ADGRB3: variants seen among roughly 807,000 people sequenced by gnomAD.
The protein encoded by ADGRB3 is adhesion G protein-coupled receptor B3, also known as brain-specific angiogenesis inhibitor 3.
ADGRB3 carries 37 observed loss-of-function variants against 193.4 expected under a neutral mutation model. The observed-to-expected ratio is 0.19, with a 90% CI of 0.15 to 0.25. The LOEUF is 0.25. Ranked by LOEUF, ADGRB3 falls within the 10% of genes least tolerant of loss-of-function variation. ADGRB3 has a pLI of 1.00. For missense variants in ADGRB3, 1,637 were observed against 1,852.9 expected (o/e 0.88, Z 2.14); for synonymous variants, 690 against 644.2 (o/e 1.07, Z -1.08).
chr6:69,083,582 G>A (rs1772457055), intron 17 of ADGRB3, among the ~76,000 whole-genome samples: 1 of 151,988 alleles, frequency 6.6e-6, no homozygotes, highest in Admixed American at 6.6e-5. Context: ...GAATTTCATG[G>A]GTGGATAGAT....
chr6:68,667,953 C>T (rs974646309), intron 3 of ADGRB3, among the ~76,000 whole-genome samples: 2 of 151,762 alleles, frequency 1.3e-5, no homozygotes, highest in African/African-American at 4.8e-5. Flanking sequence ...CATATATGAC[C>T]ATCCAGCCCT....
intron 14 of ADGRB3, 107 bp downstream of exon 14, chr6:69,048,441 G>A (rs1771301004): frequency 2.6e-6 from 3 of 1,141,018 alleles, no homozygotes; most frequent in African/African-American, 1.6e-5. Flanking sequence ...GAAATAGTCT[G>A]TAATCATTAT....
In ADGRB3 at chr6:69,165,629, C is replaced by T. The variant is rs1775111976; in HGVS notation, c.2481-67661C>T. Among the ~76,000 whole-genome samples, 10 of 152,100 alleles carry T rather than the reference C, an allele frequency of 6.6e-5. No homozygotes were observed. In the South Asian group the frequency reaches 2.1e-3, roughly 32 times the overall value. ...CTAACAAACCCTAATTAAAGTCATC[C>T]CTTATTTCTTTGGGTTATTTCTGGT... On this transcript the variant is annotated intron_variant, in intron 17 of 31. Coordinates refer to ENST00000370598, the MANE Select transcript of ADGRB3 (RefSeq NM_001704.3).
At chr6:68,737,771 A>G (rs974637801) in intron 3 of ADGRB3, among the ~76,000 whole-genome samples, 1 of 152,144 alleles carries the variant, frequency 6.6e-6, no homozygotes, top group Non-Finnish European at 1.5e-5. Context: ...AAGCCAAAAA[A>G]AAGGTTAGAC....
chr6:68,966,925 T>C (rs1359270340), intron 8 of ADGRB3, among the ~76,000 whole-genome samples: 1 of 152,206 alleles, frequency 6.6e-6, no homozygotes, highest in Non-Finnish European at 1.5e-5. Flanking sequence ...AAATCAATTG[T>C]TATTTTAATG....
intron 3 of ADGRB3, among the ~76,000 whole-genome samples, chr6:68,830,094 A>T (rs2127383564): frequency 6.6e-6 from 1 of 152,328 alleles, no homozygotes; most frequent in Admixed American, 6.5e-5. Flanking sequence ...TCAAAAAAAT[A>T]GTGGTAGCTG....
chr6:68,858,968 T>A (rs908211796), intron 3 of ADGRB3, among the ~76,000 whole-genome samples: 1 of 152,230 alleles, frequency 6.6e-6, no homozygotes, highest in African/African-American at 2.4e-5. Context: ...TGCAAATTTA[T>A]GTAGCCAGCT....
intron 3 of ADGRB3, among the ~76,000 whole-genome samples, chr6:68,786,072 G>A (rs1766962475): frequency 6.6e-6 from 1 of 151,408 alleles, no homozygotes; most frequent in Non-Finnish European, 1.5e-5. Flanking sequence ...CAGATGAGTA[G>A]GTTGCAAAAA....
intron 17 of ADGRB3, among the ~76,000 whole-genome samples, chr6:69,097,696 A>G (rs573315682): frequency 6.0e-4 from 91 of 150,754 alleles, no homozygotes; most frequent in African/African-American, 1.7e-3. Context: ...GTGTGTATAT[A>G]TGTGTGTGTG....
chr6:69,024,357 A>G (rs1366719992), intron 13 of ADGRB3, among the ~76,000 whole-genome samples: 1 of 152,214 alleles, frequency 6.6e-6, no homozygotes. Context: ...ATTCTGTAAC[A>G]TGAAAATTCT....
At chr6:69,293,295 T>A (rs930499024) in intron 20 of ADGRB3, among the ~76,000 whole-genome samples, 11 of 152,082 alleles carry the variant, frequency 7.2e-5, no homozygotes, top group Admixed American at 4.6e-4. Flanking sequence ...TCTTACTTAT[T>A]AAGGAGTGGA....
intron 20 of ADGRB3, among the ~76,000 whole-genome samples, chr6:69,262,818 G>A (rs1298961995): frequency 6.6e-6 from 1 of 150,546 alleles, no homozygotes; most frequent in Non-Finnish European, 1.5e-5. Flanking sequence ...AGGTATGTAT[G>A]TGTCATAAAA....
intron 3 of ADGRB3, among the ~76,000 whole-genome samples, chr6:68,666,298 T>C (rs780841437): frequency 1.2e-4 from 18 of 151,926 alleles, no homozygotes; most frequent in Non-Finnish European, 2.7e-4. Context: ...TTCATACATT[T>C]ATGCTAGTTG....
intron 17 of ADGRB3, 187 bp from the exon 18 acceptor site, chr6:69,233,103 C>A: frequency 1.2e-6 from 1 of 834,248 alleles, no homozygotes; most frequent in Non-Finnish European, 1.8e-6. Context: ...CTTGCTTTTT[C>A]CCACTCTCGC....
chr6:68,905,046 C>G (rs573570373), intron 3 of ADGRB3, among the ~76,000 whole-genome samples: 1 of 152,178 alleles, frequency 6.6e-6, no homozygotes, highest in African/African-American at 2.4e-5. Context: ...GGACTGCCAA[C>G]TTGGCTCATA....
intron 3 of ADGRB3, among the ~76,000 whole-genome samples, chr6:68,924,409 A>T (rs989943891): frequency 1.3e-5 from 2 of 152,060 alleles, no homozygotes; most frequent in Non-Finnish European, 2.9e-5. Flanking sequence ...ATGTTTGAGG[A>T]GTTCCAAAAG....
rs1212526797 is a variant in ADGRB3 at position 69,361,251 on chromosome 6, C to G, written c.3978C>G (p.Ser1326Arg). Residue 1326 changes from serine (S) to arginine (R), a missense_variant, in exon 29 of 32, where the codon AGC becomes AGG. Physicochemically the swap from Ser to Arg is moderately radical, Grantham distance 110. Transcript: ENST00000370598. Reference protein sequence around the residue: ...VNNQPSMKEESKMNIGMETLP... With the variant: ...VNNQPSMKEERKMNIGMETLP... ...ACCAGCCTTCAATGAAAGAAGAAAG[C>G]AAAATGAATATTGGCATGGAAACCT... 6.2e-7 allele frequency: 1 copy of G among 1,612,706 alleles called. No individual in the cohort carries two copies. Among genetic ancestry groups the G allele is most frequent in the Admixed American group, 1.7e-5 (1 of 59,814 alleles).
At chr6:68,856,096 C>G (rs1464002037) in intron 3 of ADGRB3, among the ~76,000 whole-genome samples, 1 of 152,198 alleles carries the variant, frequency 6.6e-6, no homozygotes, top group Non-Finnish European at 1.5e-5. Context: ...TAAGTTGAGA[C>G]TTGCTCCTCC....
chr6:68,912,521 C>T (rs1420958173), intron 3 of ADGRB3, among the ~76,000 whole-genome samples: 1 of 151,976 alleles, frequency 6.6e-6, no homozygotes, highest in Non-Finnish European at 1.5e-5. Context: ...CTCCCCGCTC[C>T]CTCCACCCCA....
Sources: gnomAD v4.1 joint callset for allele counts (sites outside exome capture counted in the v4.1 genomes callset) on GRCh38, gnomAD v4.1.1 for gene constraint, MANE v1.5 for transcripts, NCBI Gene and HGNC (gene_info 2026-07-23, HGNC 2026-07-21) for gene names.